PLCXD1: variants seen among roughly 807,000 people sequenced by gnomAD.
The protein encoded by PLCXD1 is PI-PLC X domain-containing protein 1.
A neutral mutation model predicts 37.8 loss-of-function variants in PLCXD1; 45 were observed. The ratio of observed to expected loss-of-function variants is 1.19; its 90% confidence interval spans 0.94 to 1.53. PLCXD1 has a LOEUF of 1.53. Among genes scored for constraint, PLCXD1 ranks in the 40% most tolerant of loss-of-function variants. The probability of loss-of-function intolerance (pLI) is 0.00; values close to 1 mark genes in which losing one functional copy is unlikely to be tolerated. For missense variants in PLCXD1, 539 were observed against 454.7 expected (o/e 1.19, Z -1.69); for synonymous variants, 246 against 206.9 (o/e 1.19, Z -1.62).
intron 5 of PLCXD1, among the ~76,000 whole-genome samples, chrX:292,360 G>T (rs2069665170): frequency 6.6e-6 from 1 of 152,090 alleles, no homozygotes; most frequent in Admixed American, 6.5e-5. Flanking sequence ...TCGGGAGGCT[G>T]AGGCAGGAGA....
At chrX:276,960 G>A (rs984241335), upstream of PLCXD1, among the ~76,000 whole-genome samples, 11 of 152,146 alleles carry the variant, frequency 7.2e-5, no homozygotes, top group East Asian at 1.9e-4. Flanking sequence ...GTCTCACCCC[G>A]CCTGGCGGGT....
rs1306709620 is a variant in PLCXD1, at chrX:299,405, T to C, written c.*70T>C. On this transcript the variant is annotated 3_prime_UTR_variant, in exon 7 of 7. Transcript: ENST00000381657. ...CCCGAATTTCCAAGTATTGTGACTT[T>C]GTTTGGGCCAAATGTTGGTGATCAT... 3 of 1,086,070 alleles carry C rather than the reference T, an allele frequency of 2.8e-6. No homozygotes were observed. The highest frequency in any genetic ancestry group is 1.7e-5 in the Admixed American group (1 of 58,724). 67.3% of individuals were successfully genotyped at this position (1,086,070 alleles called of 1,614,324 possible). A position where few individuals can be genotyped will look rare whatever the true frequency, so the allele number is the denominator to read the frequency against.
intron 3 of PLCXD1, among the ~76,000 whole-genome samples, chrX:289,920 G>A (rs1243009107): frequency 2.0e-5 from 3 of 152,084 alleles, no homozygotes; most frequent in Non-Finnish European, 4.4e-5. Flanking sequence ...CTAGTCCCTG[G>A]GAAACAGGGA....
Position 284,183 on chromosome X carries a change from C to T in PLCXD1, c.-5C>T, listed in dbSNP as rs2069368828. The T allele has an allele frequency of 6.2e-7, 1 of 1,613,072 alleles. No individual in the cohort carries two copies. Among genetic ancestry groups the T allele is most frequent in the Non-Finnish European group, 8.5e-7 (1 of 1,179,776 alleles). ...CTTCCTCAGGTTGCCCAGGGCTCACCTCTGATGGGTGGGCAGGTGAGCGCT... is the reference window on the plus strand; with the variant it reads ...CTTCCTCAGGTTGCCCAGGGCTCACTTCTGATGGGTGGGCAGGTGAGCGCT... On this transcript the variant is annotated 5_prime_UTR_variant, in exon 2 of 7. Transcript: ENST00000381657.
At chrX:289,159 C>G (rs1432051531) in intron 3 of PLCXD1, among the ~76,000 whole-genome samples, 1 of 152,150 alleles carries the variant, frequency 6.6e-6, no homozygotes, top group African/African-American at 2.4e-5. Context: ...GTGATCTCGG[C>G]TCACTGCAAC....
chrX:293,135 G>C lies in PLCXD1; in HGVS notation c.650G>C (p.Gly217Ala), dbSNP rs781360432. ...CGCCGGCACCACGAGCTGTGGCCAG[G>C]AGTCCCCTACTGGTGGGGAAACAGG... ...SLRRHHELWP[G>A]VPYWWGNRVK... Residue 217 changes from glycine (G) to alanine (A), a missense_variant, in exon 6 of 7, where the codon GGA becomes GCA. Physicochemically the swap from Gly to Ala is moderately conservative, Grantham distance 60. Coordinates refer to ENST00000381657, the MANE Select transcript of PLCXD1 (RefSeq NM_018390.4). The C allele has an allele frequency of 3.2e-5, 51 of 1,612,176 alleles. No individual in the cohort carries two copies. The highest frequency in any genetic ancestry group is 8.3e-5 in the Admixed American group (5 of 59,994).
At position 299,793 on chromosome X, in the gene PLCXD1, C is replaced by A; in HGVS notation, c.*458C>A. The A allele has an allele frequency of 5.6e-6, 1 of 178,976 alleles. No individual in the cohort carries two copies. The highest frequency in any genetic ancestry group is 1.2e-5 in the Non-Finnish European group (1 of 84,906). 11.1% of individuals were successfully genotyped at this position (178,976 alleles called of 1,614,324 possible). A position where few individuals can be genotyped will look rare whatever the true frequency, so the allele number is the denominator to read the frequency against. On this transcript the variant is annotated 3_prime_UTR_variant, in exon 7 of 7. Transcript: ENST00000381657. ...AAACAGCCGAGTGTGCAGTGACTCA[C>A]GCCTGTCATCCCAGCACTTTGGGAG... is the stretch of plus-strand genomic sequence containing the variant.
chrX:299,366 G>C lies in PLCXD1; in HGVS notation c.*31G>C. On this transcript the variant is annotated 3_prime_UTR_variant, in exon 7 of 7. Coordinates refer to ENST00000381657, the MANE Select transcript of PLCXD1 (RefSeq NM_018390.4). ...CCCTTCTGAAGTTCGGGACGCGGCG[G>C]CTGCAGTTTCACCCCCGAATTTCCA... The C allele has an allele frequency of 6.7e-7, 1 of 1,503,532 alleles. No homozygotes were observed. The highest frequency in any genetic ancestry group is 9.3e-7 in the Non-Finnish European group (1 of 1,079,854). 93.1% of individuals were successfully genotyped at this position (1,503,532 alleles called of 1,614,324 possible).
At chrX:290,604 G>A (rs368771839) in intron 3 of PLCXD1, 44 bp from the exon 4 acceptor site, 36 of 1,609,038 alleles carry the variant, frequency 2.2e-5, no homozygotes, top group African/African-American at 6.7e-5. Context: ...CCCCCCAGAC[G>A]CGGCGCTCAG....
chrX:300,497 T>C lies in PLCXD1; in HGVS notation c.*1162T>C, dbSNP rs1249613195. 1 of 136,384 alleles carries C rather than the reference T, an allele frequency of 7.3e-6. No homozygotes were observed. Among genetic ancestry groups the C allele is most frequent in the African/African-American group, 3.0e-5 (1 of 32,988 alleles). 8.4% of individuals were successfully genotyped at this position (136,384 alleles called of 1,614,324 possible). On this transcript the variant is annotated 3_prime_UTR_variant, in exon 7 of 7. Transcript: ENST00000381657. ...GTGTGTGTATATGTGTGTATGTGTG[T>C]ATATATGTATATGTGTGCATATGTG...
chrX:284,611 C>T (rs2069387588), intron 2 of PLCXD1, among the ~76,000 whole-genome samples: 1 of 34,628 alleles, frequency 2.9e-5, no homozygotes, highest in South Asian at 7.2e-4. Context: ...CACACACGCA[C>T]ACATGCACAT....
In PLCXD1 at chrX:292,327, C is replaced by T. The variant is rs770224640; in HGVS notation, c.549+673C>T. On this transcript the variant is annotated intron_variant, in intron 5 of 6. Transcript: ENST00000381657. Reference sequence around the variant, plus strand: ...ACAAACAATTAGCCGGGCGTGGTGGCGGGCGCCTGTAGTCCCAGCTACTCG... The same window carrying T: ...ACAAACAATTAGCCGGGCGTGGTGGTGGGCGCCTGTAGTCCCAGCTACTCG... Among the ~76,000 whole-genome samples, 35 of 151,986 alleles carry T rather than the reference C, an allele frequency of 2.3e-4. No homozygotes were observed. In the East Asian group the frequency reaches 5.5e-3, roughly 24 times the overall value.
At chrX:289,516 CTTTTTTTTT>C (rs759211019) in intron 3 of PLCXD1, among the ~76,000 whole-genome samples, 1 of 135,284 alleles carries the variant, frequency 7.4e-6, no homozygotes, top group Non-Finnish European at 1.5e-5. Flanking sequence ...CTTTCTTTTT[CTTTTTTTTT>C]TTTTTGAGAC....
At chrX:282,122 G>A (rs2069292190) in intron 1 of PLCXD1, among the ~76,000 whole-genome samples, 1 of 152,096 alleles carries the variant, frequency 6.6e-6, no homozygotes, top group Admixed American at 6.5e-5. Flanking sequence ...CTGTCAACAG[G>A]CTGATTTCTG....
At chrX:282,701 G>A (rs1403294229) in intron 1 of PLCXD1, among the ~76,000 whole-genome samples, 2 of 123,438 alleles carry the variant, frequency 1.6e-5, no homozygotes, top group Non-Finnish European at 3.3e-5. Flanking sequence ...GGGAAACTGT[G>A]TCAAAAAAAA....
Position 284,168 on chromosome X carries a change from T to G in PLCXD1, c.-20T>G. The G allele has an allele frequency of 6.2e-7, 1 of 1,612,340 alleles. No homozygotes were observed. The highest frequency in any genetic ancestry group is 8.5e-7 in the Non-Finnish European group (1 of 1,179,470). ...TCTTTTCCTCTTCTCCTTCCTCAGG[T>G]TGCCCAGGGCTCACCTCTGATGGGT... is the stretch of plus-strand genomic sequence containing the variant. On this transcript the variant is annotated splice_region_variant and 5_prime_UTR_variant, in exon 2 of 7. Transcript: ENST00000381657.
In PLCXD1 at chrX:291,483, G is replaced by A. The variant is rs2069631911; in HGVS notation, c.394-16G>A. ...TTGGAGTCGTGCAGGACTCAGCCCA[G>A]CACCCCCCTCCCCAGGACACACTCA... On this transcript the variant is annotated splice_polypyrimidine_tract_variant and intron_variant, in intron 4 of 6. Transcript: ENST00000381657. The A allele has an allele frequency of 1.2e-6, 2 of 1,611,824 alleles. No individual in the cohort carries two copies. The highest frequency in any genetic ancestry group is 1.3e-5 in the African/African-American group (1 of 74,850).
At chrX:279,467 A>G (rs1314355223), upstream of PLCXD1, among the ~76,000 whole-genome samples, 1 of 152,142 alleles carries the variant, frequency 6.6e-6, no homozygotes, top group Non-Finnish European at 1.5e-5. Context: ...CTGACTGGCA[A>G]TTGGTTGAAA....
upstream of PLCXD1, among the ~76,000 whole-genome samples, chrX:277,923 AGGG>A (rs1471796642): frequency 3.3e-4 from 10 of 30,500 alleles, no homozygotes; most frequent in Admixed American, 3.4e-4. Context: ...CTGGGATGTG[AGGG>A]GAGGGGTCAG....
Sources: gnomAD v4.1 joint callset for allele counts (sites outside exome capture counted in the v4.1 genomes callset) on GRCh38, gnomAD v4.1.1 for gene constraint, MANE v1.5 for transcripts, NCBI Gene and HGNC (gene_info 2026-07-23, HGNC 2026-07-21) for gene names.